Variants in GNA12 observed in about 807,000 individuals in gnomAD.
GNA12 encodes G protein subunit alpha 12.
A neutral mutation model predicts 26.0 loss-of-function variants in GNA12; 9 were observed. The observed-to-expected ratio is 0.35, with a 90% CI of 0.21 to 0.60. The LOEUF is 0.60. Among genes scored for constraint, GNA12 ranks in the 20% least tolerant of loss-of-function variants. The pLI, the probability that GNA12 is intolerant of heterozygous loss-of-function variation, is 0.78. For synonymous variants in GNA12, 264 were observed against 219.6 expected (o/e 1.20, Z -1.79); for missense variants, 405 against 525.8 (o/e 0.77, Z 2.25).
At chr7:2,840,107 C>A (rs572066733) in intron 1 of GNA12, among the ~76,000 whole-genome samples, 2 of 152,102 alleles carry the variant, frequency 1.3e-5, no homozygotes, top group Admixed American at 6.5e-5. Flanking sequence ...GGCTCTGTAT[C>A]GTGACTGTAT....
At chr7:2,760,635 G>A (rs1328451017) in intron 2 of GNA12, among the ~76,000 whole-genome samples, 1 of 152,150 alleles carries the variant, frequency 6.6e-6, no homozygotes, top group Non-Finnish European at 1.5e-5. Flanking sequence ...CCCTCAAGCA[G>A]GACAGACCTG....
At chr7:2,775,909 TC>T (rs1380380460) in intron 2 of GNA12, among the ~76,000 whole-genome samples, 2 of 152,150 alleles carry the variant, frequency 1.3e-5, no homozygotes, top group Non-Finnish European at 2.9e-5. Flanking sequence ...GTGGAAAAGG[TC>T]CGTACAGCTA....
intron 2 of GNA12, among the ~76,000 whole-genome samples, chr7:2,793,522 G>A (rs1792573595): frequency 6.6e-6 from 1 of 152,160 alleles, no homozygotes; most frequent in African/African-American, 2.4e-5. Flanking sequence ...ACTATTAGCA[G>A]ACTATATAGC....
intron 1 of GNA12, among the ~76,000 whole-genome samples, chr7:2,837,744 C>G (rs1176499393): frequency 6.6e-6 from 1 of 151,496 alleles, no homozygotes; most frequent in African/African-American, 2.4e-5. Flanking sequence ...GCAAACTGAT[C>G]GTTAAAGAAT....
intron 1 of GNA12, among the ~76,000 whole-genome samples, chr7:2,812,384 C>G (rs905731094): frequency 4.6e-5 from 7 of 152,136 alleles, no homozygotes; most frequent in Admixed American, 6.5e-5. Flanking sequence ...AATCCCAGCA[C>G]CTTTGGAGGC....
intron 2 of GNA12, among the ~76,000 whole-genome samples, chr7:2,761,126 C>G (rs1356722608): frequency 6.6e-6 from 1 of 152,236 alleles, no homozygotes; most frequent in Non-Finnish European, 1.5e-5. Context: ...TGTGGGGCTC[C>G]TCTTAGAGTT....
chr7:2,815,407 G>GA (rs1320852477), intron 1 of GNA12: 4 of 181,994 alleles, frequency 2.2e-5, no homozygotes, highest in Non-Finnish European at 3.4e-5. Flanking sequence ...AAACACTAAA[G>GA]AAAACATGAG....
intron 1 of GNA12, among the ~76,000 whole-genome samples, chr7:2,827,014 C>T (rs556759387): frequency 2.0e-5 from 3 of 152,262 alleles, no homozygotes; most frequent in Non-Finnish European, 4.4e-5. Context: ...CAGGGGAAAA[C>T]TGGTGTGGGG....
intron 1 of GNA12, among the ~76,000 whole-genome samples, chr7:2,801,039 G>A (rs187726065): frequency 9.3e-4 from 142 of 152,200 alleles, no homozygotes; most frequent in African/African-American, 3.1e-3. Context: ...GCGAGGTCTC[G>A]GGCAAAGGGT....
chr7:2,816,224 T>C (rs1335354718), intron 1 of GNA12, among the ~76,000 whole-genome samples: 1 of 147,302 alleles, frequency 6.8e-6, no homozygotes, highest in East Asian at 1.9e-4. Flanking sequence ...CACGCACATG[T>C]GCTGCTCACC....
In GNA12 at chr7:2,731,202, C is replaced by T. The variant is rs140632617; in HGVS notation, c.1125G>A (p.Leu375=). The change falls in exon 4 of 4, where the codon CTG becomes CTA. Residue 375 remains leucine (L), a synonymous_variant. Coordinates refer to ENST00000275364, the MANE Select transcript of GNA12 (RefSeq NM_007353.3). The surrounding 1 kb of genome is among the most constrained non-coding windows in gnomAD (Gnocchi z 6.0). ...AVKDTILQEN[L]KDIMLQ ...TCGCTCACTGCAGCATGATGTCCTT[C>T]AGGTTCTCCTGCAGGATGGTGTCTT... 62 of 1,611,860 alleles carry T rather than the reference C, an allele frequency of 3.8e-5. No individual in the cohort carries two copies. In the Middle Eastern group the frequency reaches 8.2e-4, roughly 21 times the overall value.
intron 1 of GNA12, among the ~76,000 whole-genome samples, chr7:2,799,840 T>TA (rs1435461552): frequency 6.6e-6 from 1 of 151,974 alleles, no homozygotes; most frequent in Non-Finnish European, 1.5e-5. Flanking sequence ...TTAAAGCAGC[T>TA]AAAAAACCAA....
chr7:2,820,778 C>T (rs1793332154), intron 1 of GNA12, among the ~76,000 whole-genome samples: 1 of 152,232 alleles, frequency 6.6e-6, no homozygotes, highest in African/African-American at 2.4e-5. Context: ...CACTCTGTCA[C>T]CCAGGCTGGA....
At position 2,731,455 on chromosome 7, in the gene GNA12, A is replaced by T; in HGVS notation, c.872T>A (p.Ile291Asn). 6.2e-7 allele frequency: 1 copy of T among 1,613,856 alleles called. No homozygotes were observed. The highest frequency in any genetic ancestry group is 1.1e-5 in the South Asian group (1 of 91,058). Residue 291 changes from isoleucine to asparagine, a missense_variant, in exon 4 of 4, where the codon ATC becomes AAC. Coordinates refer to ENST00000275364, the MANE Select transcript of GNA12 (RefSeq NM_007353.3). This position sits in a 1 kb window ranked among gnomAD's most constrained non-coding sequence, Gnocchi z 6.0. ...GTCCATCTTGTTGAGGAAGAGAATGATGGAGACGTTGAAGAAGAGCTTGTT... is the reference window on the plus strand; with the variant it reads ...GTCCATCTTGTTGAGGAAGAGAATGTTGGAGACGTTGAAGAAGAGCTTGTT... ...VNNKLFFNVSIILFLNKMDLL... is the reference protein window; with the variant it reads ...VNNKLFFNVSNILFLNKMDLL...
In GNA12 at chr7:2,841,101, A is replaced by T. The variant is rs763108046; in HGVS notation, c.309+2752T>A. On this transcript the variant is annotated intron_variant, in intron 1 of 3. Coordinates refer to ENST00000275364, the MANE Select transcript of GNA12 (RefSeq NM_007353.3). ...ACACATTTTGTTTCTGCTGATAAGAAAGTCAGTGGAAGTTAGTGTTTCTAT... is the reference window on the plus strand; with the variant it reads ...ACACATTTTGTTTCTGCTGATAAGATAGTCAGTGGAAGTTAGTGTTTCTAT... Among the ~76,000 whole-genome samples, 79 of 152,230 alleles carry T rather than the reference A, an allele frequency of 5.2e-4. 1 individual carries two copies. Among genetic ancestry groups the T allele is most frequent in the Non-Finnish European group, 1.3e-4 (9 of 68,050 alleles).
chr7:2,838,508 CAGG>C (rs1203726836), intron 1 of GNA12, among the ~76,000 whole-genome samples: 2 of 152,094 alleles, frequency 1.3e-5, no homozygotes, highest in Non-Finnish European at 2.9e-5. Context: ...GGTTTGGGTC[CAGG>C]AGGTCAAGAC....
At chr7:2,744,528 T>C (rs1207792805) in intron 2 of GNA12, among the ~76,000 whole-genome samples, 1 of 151,856 alleles carries the variant, frequency 6.6e-6, no homozygotes, top group Non-Finnish European at 1.5e-5. Flanking sequence ...TACGTCACCA[T>C]CATCAAAGAC....
At chr7:2,809,858 T>TG (rs1793037616) in intron 1 of GNA12, among the ~76,000 whole-genome samples, 1 of 152,224 alleles carries the variant, frequency 6.6e-6, no homozygotes, top group Non-Finnish European at 1.5e-5. Context: ...ATGTAAGTAT[T>TG]GTTAGTAATA....
chr7:2,794,653 C>T (rs1487531736), intron 2 of GNA12: 7 of 437,640 alleles, frequency 1.6e-5, no homozygotes, highest in African/African-American at 9.9e-5. Context: ...CTAAATTTCT[C>T]GGGTTGTGCC....
Sources: gnomAD v4.1 joint callset for allele counts (sites outside exome capture counted in the v4.1 genomes callset) on GRCh38, gnomAD v4.1.1 for gene constraint, Gnocchi (gnomAD v3.1) non-coding constraint, MANE v1.5 for transcripts, NCBI Gene and HGNC (gene_info 2026-07-23, HGNC 2026-07-21) for gene names.